BGN: variants seen among roughly 807,000 people sequenced by gnomAD.
BGN encodes biglycan.
A neutral mutation model predicts 20.0 loss-of-function variants in BGN; 6 were observed. That is an observed-to-expected ratio of 0.30 (90% confidence interval 0.16 to 0.59). The LOEUF (loss-of-function observed/expected upper bound fraction) is 0.59. BGN is among the 20% of genes least tolerant of loss of function. The pLI is 0.88. For missense variants in BGN, 292 were observed against 312.1 expected (o/e 0.94, Z 0.49); for synonymous variants, 146 against 134.6 (o/e 1.08, Z -0.59).
chrX:153,495,227 G>A (rs1270333439), intron 1 of BGN, 114 bp downstream of exon 1: 3 of 111,393 alleles, frequency 2.7e-5, no homozygotes, highest in Non-Finnish European at 5.7e-5. Context: ...GGTGTCCACA[G>A]ATTTCCCCGG....
chrX:153,508,468 G>T lies in BGN; in HGVS notation c.*23G>T, dbSNP rs781988096. 1.9e-5 allele frequency: 23 copies of T among 1,197,911 alleles called. No homozygotes were observed. The highest frequency in any genetic ancestry group is 2.5e-5 in the Non-Finnish European group (22 of 885,804). ...TAGAGGCAGCTGCAGCCACCGCGGG[G>T]CCTCAGTGGGGGTCTCTGGGGAACA... On this transcript the variant is annotated 3_prime_UTR_variant, in exon 8 of 8. Coordinates refer to ENST00000331595, the MANE Select transcript of BGN (RefSeq NM_001711.6).
chrX:153,507,125 C>G lies in BGN; in HGVS notation c.849C>G (p.His283Gln). 8.3e-7 allele frequency: 1 copy of G among 1,207,640 alleles called. No individual in the cohort carries two copies. The change falls in exon 7 of 8, where the codon CAC becomes CAG. Residue 283 changes from histidine to glutamine, a missense_variant. By Grantham distance (24) the His-to-Gln change is conservative. Transcript: ENST00000331595. The stretch of plus-strand genomic sequence containing the variant: ...TCCTGCCCACCCTCCGGGAGCTCCA[C>G]TTGGACAACAACAAGTTGGCCAGGG... ...LSFLPTLREL[H>Q]LDNNKLARVP... is the part of the protein sequence containing the mutation.
At chrX:153,503,202 G>A (rs2266863) in intron 1 of BGN, among the ~76,000 whole-genome samples, 4,322 of 112,250 alleles carry the variant, frequency 0.039, 94 homozygotes, top group South Asian at 0.096. Flanking sequence ...CGGGCAGGGC[G>A]GGGCTGCTCA....
rs977203269 is a variant in BGN, at chrX:153,506,949, G to T, written c.770+26G>T. 5.0e-6 allele frequency: 6 copies of T among 1,207,546 alleles called. No individual in the cohort carries two copies. The Admixed American group carries it at 1.3e-4, about 26-fold the overall frequency. On this transcript the variant is annotated intron_variant, in intron 6 of 7. Transcript: ENST00000331595. ...GTGAGGCCAGCAGGGCACCGCCCAAGGGTGATGCCAGAGTCCCTCAGTGCT... is the reference window on the plus strand; with the variant it reads ...GTGAGGCCAGCAGGGCACCGCCCAATGGTGATGCCAGAGTCCCTCAGTGCT...
rs782722077 is a variant in BGN, at chrX:153,498,701, G to A, written c.-12+3588G>A. The stretch of plus-strand genomic sequence containing the variant: ...GAGGCAGGGCCCCAGGCTCTGGGGG[G>A]CAGGCCGGGAACACCTTCCCTGGGG... On this transcript the variant is annotated intron_variant, in intron 1 of 7. Transcript: ENST00000331595. Among the ~76,000 whole-genome samples the A allele has an allele frequency of 9.2e-4, 104 of 112,675 alleles. No homozygotes were observed. The Middle Eastern group carries it at 0.019, about 20-fold the overall frequency.
rs1259510956 is a variant in BGN at position 153,506,013 on chromosome X, G to A, written c.502G>A (p.Asp168Asn). ...PSSLVELRIH[D>N]NRIRKVPKGV... is the part of the protein sequence containing the mutation. ...CTCCCTGGTGGAGCTCCGCATCCAC[G>A]ACAACCGCATCCGCAAGGTGCCCAA... The change falls in exon 4 of 8, where the codon GAC (aspartate) becomes AAC (asparagine). Residue 168 changes from aspartate to asparagine, a missense_variant. By Grantham distance (23) the Asp-to-Asn change is conservative. Coordinates refer to ENST00000331595, the MANE Select transcript of BGN (RefSeq NM_001711.6). 10 of 1,210,304 alleles carry A rather than the reference G, an allele frequency of 8.3e-6. No homozygotes were observed. The highest frequency in any genetic ancestry group is 3.0e-5 in the East Asian group (1 of 33,767).
chrX:153,502,355 G>A (rs880414), intron 1 of BGN, among the ~76,000 whole-genome samples: 17 of 111,779 alleles, frequency 1.5e-4, no homozygotes, highest in African/African-American at 5.2e-4. Flanking sequence ...CTTTGGCAGG[G>A]GCATCGGCAA....
intron 1 of BGN, among the ~76,000 whole-genome samples, chrX:153,504,187 A>G (rs1336000916): frequency 8.9e-6 from 1 of 112,006 alleles, no homozygotes; most frequent in Non-Finnish European, 1.9e-5. Flanking sequence ...GATGTCCCCA[A>G]AAGTGAATTC....
intron 1 of BGN, among the ~76,000 whole-genome samples, chrX:153,501,013 G>T (rs1428581250): frequency 4.5e-5 from 5 of 110,523 alleles, no homozygotes; most frequent in African/African-American, 1.7e-4. Context: ...TGTGTGTATA[G>T]GTGTGTGCAC....
Position 153,509,028 on chromosome X carries a change from CCTCTCT to C in BGN, c.*608_*613del, listed in dbSNP as rs782391883. 116 of 87,896 alleles carry C rather than the reference CCTCTCT, an allele frequency of 1.3e-3. No homozygotes were observed. The highest frequency in any genetic ancestry group is 1.8e-3 in the East Asian group (5 of 2,820). The allele number at this position is 87,896 out of a possible 1,213,427, so 7.2% of individuals were successfully genotyped here. A position where few individuals can be genotyped will look rare whatever the true frequency, so the allele number is the denominator to read the frequency against. ...TTCTGTTCTCTCTTTCCCCGTCCTT[CCTCTCT>C]CTCTCTCTCTCTCTCTCTCTCTCTT... On this transcript the variant is annotated 3_prime_UTR_variant, in exon 8 of 8. Coordinates refer to ENST00000331595, the MANE Select transcript of BGN (RefSeq NM_001711.6).
chrX:153,501,098 CAT>C (rs2089756995), intron 1 of BGN, among the ~76,000 whole-genome samples: 1 of 108,708 alleles, frequency 9.2e-6, no homozygotes, highest in Non-Finnish European at 1.9e-5. Context: ...TAGGTGTGTG[CAT>C]GTGTGTGTGC....
At position 153,504,736 on chromosome X, in the gene BGN, G is replaced by A. The variant is rs1556992632; in HGVS notation, c.105G>A (p.Met35Ile). ...WDFTLDDGPF[M>I]MNDEEASGAD... is the part of the protein sequence containing the mutation. ...TCACCCTGGACGATGGGCCATTCAT[G>A]ATGAACGATGAGGAAGCTTCGGGCG... The change falls in exon 2 of 8, where the codon ATG becomes ATA. Residue 35 changes from methionine (M) to isoleucine (I), a missense_variant. By Grantham distance (10) the Met-to-Ile change is conservative. Coordinates refer to ENST00000331595, the MANE Select transcript of BGN (RefSeq NM_001711.6). The A allele has an allele frequency of 8.3e-7, 1 of 1,211,791 alleles. No homozygotes were observed. The highest frequency in any genetic ancestry group is 2.2e-5 in the Admixed American group (1 of 46,121).
At chrX:153,507,671 G>A (rs1556993584) in intron 7 of BGN, among the ~76,000 whole-genome samples, 2 of 113,482 alleles carry the variant, frequency 1.8e-5, no homozygotes, top group African/African-American at 6.4e-5. Flanking sequence ...CCAGCTGCGA[G>A]CCAGCACCGC....
At chrX:153,496,594 G>A (rs2089716473) in intron 1 of BGN, among the ~76,000 whole-genome samples, 1 of 112,460 alleles carries the variant, frequency 8.9e-6, no homozygotes, top group African/African-American at 3.2e-5. Context: ...ATGGCAAGCT[G>A]GCCAGCTGTG....
chrX:153,501,186 GTGTGTGTGTT>G (rs1170075985), intron 1 of BGN, among the ~76,000 whole-genome samples: 3 of 112,403 alleles, frequency 2.7e-5, no homozygotes, highest in Non-Finnish European at 3.8e-5. Context: ...GTGTGCATCT[GTGTGTGTGTT>G]TGTGTGTGTA....
rs1348000371 is a variant in BGN, at chrX:153,508,840, A to G, written c.*395A>G. The G allele has an allele frequency of 2.7e-5, 6 of 222,543 alleles. No homozygotes were observed. Among genetic ancestry groups the G allele is most frequent in the Non-Finnish European group, 2.4e-5 (3 of 124,047 alleles). The allele number at this position is 222,543 out of a possible 1,213,427, so 18.3% of individuals were successfully genotyped here. On this transcript the variant is annotated 3_prime_UTR_variant, in exon 8 of 8. Coordinates refer to ENST00000331595, the MANE Select transcript of BGN (RefSeq NM_001711.6). ...AAGAATGGGGACAGTGGGCTCTGCC[A>G]GGGCTGCCGCACCTGTCCAGACACA...
At chrX:153,506,973 C>T (rs1556993340) in intron 6 of BGN, 50 bp downstream of exon 6, 3 of 1,206,248 alleles carry the variant, frequency 2.5e-6, no homozygotes, top group Admixed American at 4.3e-5. Context: ...TCCCTCAGTG[C>T]TGTGTGGCCC....
intron 4 of BGN, 44 bp downstream of exon 4, chrX:153,506,120 G>A (rs2089798754): frequency 8.7e-7 from 1 of 1,154,264 alleles, no homozygotes; most frequent in Non-Finnish European, 1.2e-6. Flanking sequence ...CTTGTCTCGA[G>A]GCATGGGGAA....
At chrX:153,495,822 G>A (rs1259663084) in intron 1 of BGN, among the ~76,000 whole-genome samples, 2 of 113,152 alleles carry the variant, frequency 1.8e-5, no homozygotes, top group Non-Finnish European at 3.8e-5. Flanking sequence ...GGCCCTGACT[G>A]GGGGTGCCTG....
Sources: gnomAD v4.1 joint callset for allele counts (sites outside exome capture counted in the v4.1 genomes callset) on GRCh38, gnomAD v4.1.1 for gene constraint, MANE v1.5 for transcripts, NCBI Gene and HGNC (gene_info 2026-07-23, HGNC 2026-07-21) for gene names.